Variants in GFPT1 observed in about 807,000 individuals in gnomAD.
GFPT1 encodes the protein glutamine--fructose-6-phosphate aminotransferase [isomerizing] 1.
In GFPT1, 40 loss-of-function variants were observed where a neutral mutation model predicts 92.0. That is an observed-to-expected ratio of 0.43 (90% CI 0.34 to 0.57). GFPT1 has a LOEUF of 0.57. Ranked by LOEUF, GFPT1 falls within the 20% of genes least tolerant of loss-of-function variation. The probability of loss-of-function intolerance (pLI) is 0.02; values close to 1 mark genes in which losing one functional copy is unlikely to be tolerated. For missense variants in GFPT1, 448 were observed against 869.1 expected, an observed-to-expected ratio of 0.52 and a Z score of 6.09; for synonymous variants, 269 against 280.6, an observed-to-expected ratio of 0.96 and a Z score of 0.41.
At position 69,328,313 on chromosome 2, in the gene GFPT1, A is replaced by G. The variant is rs377155851; in HGVS notation, c.1851T>C (p.Tyr617=). 26 of 1,613,516 alleles carry G rather than the reference A, an allele frequency of 1.6e-5. No individual in the cohort carries two copies. Among genetic ancestry groups the G allele is most frequent in the South Asian group, 1.1e-4 (10 of 91,056 alleles). ...GCTGAAGAGCATTCTGACACTTGGC[A>G]TAAGTGTGATCTCTCATGATGATCA... ...VIMIIMRDHT[Y]AKCQNALQQV... is the part of the protein sequence containing the mutation. The change falls in exon 18 of 20, where the codon TAT becomes TAC. Residue 617 remains tyrosine (Y), a synonymous_variant. Coordinates refer to ENST00000357308, the MANE Select transcript of GFPT1 (RefSeq NM_001244710.2).
chr2:69,348,396 T>C (rs1293316152), intron 10 of GFPT1, 62 bp from the exon 11 acceptor site: 4 of 1,304,334 alleles, frequency 3.1e-6, no homozygotes, highest in Non-Finnish European at 4.4e-6. Flanking sequence ...CAAATGAAAC[T>C]ATCATTTGGA....
chr2:69,374,918 A>G (rs1671836588), intron 1 of GFPT1, among the ~76,000 whole-genome samples: 1 of 152,224 alleles, frequency 6.6e-6, no homozygotes, highest in Non-Finnish European at 1.5e-5. Flanking sequence ...CAAATATATA[A>G]CTATCTTAAA....
In GFPT1 at chr2:69,338,561, C is replaced by T. The variant is rs1363498649; in HGVS notation, c.1208G>A (p.Arg403His). 3 of 1,613,756 alleles carry T rather than the reference C, an allele frequency of 1.9e-6. No individual in the cohort carries two copies. The highest frequency in any genetic ancestry group is 1.3e-5 in the African/African-American group (1 of 74,930). ...GTSYHAGVAT[R>H]QVLEELTELP... is the part of the protein sequence containing the mutation. Reference sequence around the variant, plus strand: ...CTCAGTCAGCTCCTCAAGAACTTGACGTGTCTGCAGAGAAAATATGACTTG... The same window carrying T: ...CTCAGTCAGCTCCTCAAGAACTTGATGTGTCTGCAGAGAAAATATGACTTG... Residue 403 changes from arginine to histidine, a missense_variant, in exon 14 of 20, where the codon CGT (arginine) becomes CAT (histidine). Arg to His is a conservative substitution (Grantham distance 29). Coordinates refer to ENST00000357308, the MANE Select transcript of GFPT1 (RefSeq NM_001244710.2).
At chr2:69,358,231 TA>T (rs1308652598) in intron 6 of GFPT1, 97 bp downstream of exon 6, 4 of 1,047,920 alleles carry the variant, frequency 3.8e-6, no homozygotes, top group Non-Finnish European at 4.4e-6. Flanking sequence ...AAGCCAAAAA[TA>T]AAAAAATAGC....
chr2:69,377,229 ATT>A, intron 1 of GFPT1, among the ~76,000 whole-genome samples: 2 of 140,154 alleles, frequency 1.4e-5, no homozygotes, highest in African/African-American at 5.4e-5. Context: ...AAAAAAAAAG[ATT>A]AAGTAATGCA....
chr2:69,367,840 G>T (rs532692544), intron 3 of GFPT1, among the ~76,000 whole-genome samples: 2 of 152,198 alleles, frequency 1.3e-5, no homozygotes, highest in Non-Finnish European at 2.9e-5. Context: ...GATATGGCCA[G>T]ATTGCTCTTT....
chr2:69,323,414 TG>T lies in GFPT1; in HGVS notation c.*2774del, dbSNP rs1670459249. On this transcript the variant is annotated 3_prime_UTR_variant, in exon 20 of 20. Coordinates refer to ENST00000357308, the MANE Select transcript of GFPT1 (RefSeq NM_001244710.2). ...GTGCCTCATTACAATGTCTCTTTTG[TG>T]TTAAGAATTAACTTACAAAAGCATT... 1 of 152,240 alleles carries T rather than the reference TG, an allele frequency of 6.6e-6. No individual in the cohort carries two copies. Among genetic ancestry groups the T allele is most frequent in the African/African-American group, 2.4e-5 (1 of 41,468 alleles). 9.4% of individuals were successfully genotyped at this position (152,240 alleles called of 1,614,324 possible).
In GFPT1 at chr2:69,356,468, C is replaced by A. The variant is rs1223777427; in HGVS notation, c.605+28G>T. The A allele has an allele frequency of 2.0e-6, 3 of 1,480,346 alleles. No individual in the cohort carries two copies. In the Admixed American group the frequency reaches 5.0e-5, roughly 25 times the overall value. The allele number at this position is 1,480,346 out of a possible 1,614,324, so 91.7% of individuals were successfully genotyped here. A position where few individuals can be genotyped will look rare whatever the true frequency, so the allele number is the denominator to read the frequency against. On this transcript the variant is annotated intron_variant, in intron 7 of 19. Coordinates refer to ENST00000357308, the MANE Select transcript of GFPT1 (RefSeq NM_001244710.2). ...CATGTAACTCAAATATGTTGAAATA[C>A]ATTAGTCATTGTTAGAGTTATATGT...
In GFPT1 at chr2:69,354,974, A is replaced by C. The variant is rs541790544; in HGVS notation, c.606-406T>G. 1.8e-4 allele frequency among the ~76,000 whole-genome samples: 28 copies of C among 152,308 alleles called. 2 individuals are homozygous for C. The South Asian group carries it at 5.0e-3, about 27-fold the overall frequency. On this transcript the variant is annotated intron_variant, in intron 7 of 19. Coordinates refer to ENST00000357308, the MANE Select transcript of GFPT1 (RefSeq NM_001244710.2). ...AGCCAAGATCGCGCCACTGCACTCC[A>C]GCCTGGATGACAGAACAAGATCCTA...
At chr2:69,378,912 T>G (rs1264868400) in intron 1 of GFPT1, among the ~76,000 whole-genome samples, 5 of 152,198 alleles carry the variant, frequency 3.3e-5, no homozygotes, top group African/African-American at 1.2e-4. Flanking sequence ...ATTTTATTTT[T>G]CTTATAATGC....
Position 69,338,059 on chromosome 2 carries a change from T to C in GFPT1, c.1325-4A>G. On this transcript the variant is annotated splice_polypyrimidine_tract_variant and splice_region_variant and intron_variant, in intron 14 of 19. Coordinates refer to ENST00000357308, the MANE Select transcript of GFPT1 (RefSeq NM_001244710.2). ...ATCAAAGTATCTGCTGTCTCACCTG[T>C]GTAAAAAGTAGGCCAACCATAACAC... 1 of 1,614,076 alleles carries C rather than the reference T, an allele frequency of 6.2e-7. No individual in the cohort carries two copies. The highest frequency in any genetic ancestry group is 8.5e-7 in the Non-Finnish European group (1 of 1,179,892).
intron 1 of GFPT1, among the ~76,000 whole-genome samples, chr2:69,375,759 A>C (rs1273992838): frequency 6.6e-6 from 1 of 152,230 alleles, no homozygotes; most frequent in Non-Finnish European, 1.5e-5. Flanking sequence ...ACATAATTCA[A>C]AAATAGAAAT....
intron 1 of GFPT1, among the ~76,000 whole-genome samples, chr2:69,381,452 C>A (rs1256116454): frequency 6.6e-6 from 1 of 151,714 alleles, no homozygotes; most frequent in Non-Finnish European, 1.5e-5. Context: ...ATCTTCTTTT[C>A]AACAGTTTAA....
intron 1 of GFPT1, among the ~76,000 whole-genome samples, chr2:69,386,629 T>A (rs537849064): frequency 1.2e-4 from 19 of 152,260 alleles, no homozygotes; most frequent in South Asian, 2.1e-4. Flanking sequence ...AGTAAAATAT[T>A]TTTTTAAAGA....
At chr2:69,330,406 A>C (rs1361166423) in intron 15 of GFPT1, among the ~76,000 whole-genome samples, 2 of 152,206 alleles carry the variant, frequency 1.3e-5, no homozygotes, top group African/African-American at 4.8e-5. Flanking sequence ...GCAAATCAGC[A>C]TGTGCCTAAC....
chr2:69,384,472 C>T (rs1055356358), intron 1 of GFPT1, among the ~76,000 whole-genome samples: 1 of 151,934 alleles, frequency 6.6e-6, no homozygotes, highest in African/African-American at 2.4e-5. Flanking sequence ...AATCCCAGCA[C>T]TTTGGGAGGC....
intron 6 of GFPT1, 25 bp downstream of exon 6, chr2:69,358,304 T>G (rs957491581): frequency 1.1e-5 from 18 of 1,594,318 alleles, no homozygotes; most frequent in Admixed American, 1.7e-5. Flanking sequence ...TTGGCATAAT[T>G]ATCTTTAAAA....
At chr2:69,329,827 T>C (rs575078291) in intron 15 of GFPT1, 29 bp from the exon 16 acceptor site, 2 of 1,072,330 alleles carry the variant, frequency 1.9e-6, no homozygotes, top group East Asian at 4.7e-5. Context: ...GCAGGACAAT[T>C]AGTTGCAGCT....
In GFPT1 at chr2:69,376,806, G is replaced by A. The variant is rs140371261; in HGVS notation, c.8-2693C>T. Among the ~76,000 whole-genome samples, 181 of 152,226 alleles carry A rather than the reference G, an allele frequency of 1.2e-3. 1 individual carries two copies. The highest frequency in any genetic ancestry group is 4.0e-3 in the African/African-American group (165 of 41,534). ...TGGTAAAAACATAAAAATGTAAGCC[G>A]GATGGTAAATGATTTAAAGATTAAA... On this transcript the variant is annotated intron_variant, in intron 1 of 19. Transcript: ENST00000357308.
Sources: gnomAD v4.1 joint callset for allele counts (sites outside exome capture counted in the v4.1 genomes callset) on GRCh38, gnomAD v4.1.1 for gene constraint, MANE v1.5 for transcripts, NCBI Gene and HGNC (gene_info 2026-07-23, HGNC 2026-07-21) for gene names.